Variants in KIF13B observed in about 807,000 individuals in gnomAD.
KIF13B encodes the protein kinesin family member 13B.
Under a neutral mutation model 222.0 loss-of-function variants are expected in KIF13B, and 127 were observed. The ratio of observed to expected loss-of-function variants is 0.57; its 90% CI spans 0.50 to 0.66. KIF13B has a LOEUF of 0.66. KIF13B is among the 30% of genes least tolerant of loss of function. The pLI, the probability that KIF13B is intolerant of heterozygous loss-of-function variation, is 0.00. For missense variants in KIF13B, 2,173 were observed against 2,379.0 expected, an observed-to-expected ratio of 0.91 and a Z score of 1.80; for synonymous variants, 976 against 919.0, an observed-to-expected ratio of 1.06 and a Z score of -1.12.
intron 15 of KIF13B, among the ~76,000 whole-genome samples, 188 bp downstream of exon 15, chr8:29,150,109 T>TCC (rs1416856052): frequency 6.6e-6 from 1 of 152,204 alleles, no homozygotes; most frequent in East Asian, 1.9e-4. Context: ...TGTTTATATG[T>TCC]CCCTAGGGTT....
At chr8:29,120,897 T>C (rs1586806136) in intron 29 of KIF13B, among the ~76,000 whole-genome samples, 1 of 42,754 alleles carries the variant, frequency 2.3e-5, no homozygotes, top group East Asian at 8.2e-4. Context: ...TGATATCTCA[T>C]AGTGGTTTTG....
rs770410591 is a variant in KIF13B at position 29,122,600 on chromosome 8, C to T, written c.3526G>A (p.Asp1176Asn). 1 of 1,609,728 alleles carries T rather than the reference C, an allele frequency of 6.2e-7. No homozygotes were observed. The highest frequency in any genetic ancestry group is 1.7e-5 in the Admixed American group (1 of 59,520). The change falls in exon 29 of 40, where the codon GAC becomes AAC. Residue 1176 changes from aspartate (D) to asparagine (N), a missense_variant. Asp to Asn is a conservative substitution (Grantham distance 23, BLOSUM62 1). Transcript: ENST00000524189. ...ACACCTCCTAACTTACCATTTAAGT[C>T]CAGGAATATAACAGGAATGTGTGTC... ...METHIPVIFLDLNADDFSSQD... is the reference protein window; with the variant it reads ...METHIPVIFLNLNADDFSSQD...
At chr8:29,216,705 A>G (rs1814496849) in intron 2 of KIF13B, among the ~76,000 whole-genome samples, 1 of 152,148 alleles carries the variant, frequency 6.6e-6, no homozygotes, top group Non-Finnish European at 1.5e-5. Context: ...ATTAAAGACA[A>G]CTTTGTAGCA....
chr8:29,175,574 C>G (rs1563761804), intron 10 of KIF13B, among the ~76,000 whole-genome samples: 1 of 152,230 alleles, frequency 6.6e-6, no homozygotes, highest in Non-Finnish European at 1.5e-5. Flanking sequence ...CAGCCTCTAA[C>G]AACATCTTTA....
chr8:29,202,613 A>G (rs1418600719), intron 2 of KIF13B, among the ~76,000 whole-genome samples: 1 of 152,112 alleles, frequency 6.6e-6, no homozygotes, highest in African/African-American at 2.4e-5. Context: ...TTATTTCTTT[A>G]GTATAAGAAT....
rs770077106 is a variant in KIF13B at position 29,130,550 on chromosome 8, T to C, written c.3058A>G (p.Ile1020Val). 2.5e-6 allele frequency: 4 copies of C among 1,613,850 alleles called. No individual in the cohort carries two copies. Among genetic ancestry groups the C allele is most frequent in the Non-Finnish European group, 3.4e-6 (4 of 1,179,772 alleles). ...ISAKDVPTGG[I>V]FQLRQGQSRR... ...CTTGTTACCTGCCGGAGCTGGAAGA[T>C]TCCTCCTGTTGGGACATCCTTTGCA... is the stretch of plus-strand genomic sequence containing the variant. The change falls in exon 24 of 40, where the codon ATC becomes GTC. Residue 1020 changes from isoleucine to valine, a missense_variant. Transcript: ENST00000524189.
intron 19 of KIF13B, among the ~76,000 whole-genome samples, chr8:29,141,766 A>C (rs1810827802): frequency 6.6e-6 from 1 of 152,242 alleles, no homozygotes; most frequent in Admixed American, 6.5e-5. Flanking sequence ...TCAACTTACA[A>C]AACATATATT....
chr8:29,080,742 C>T (rs1010934277), intron 37 of KIF13B, among the ~76,000 whole-genome samples: 7 of 152,142 alleles, frequency 4.6e-5, no homozygotes, highest in Admixed American at 2.6e-4. Context: ...GTTCTCTAAG[C>T]GGTGTCACCA....
chr8:29,083,224 G>T (rs1380485444), intron 37 of KIF13B, among the ~76,000 whole-genome samples: 2 of 152,030 alleles, frequency 1.3e-5, no homozygotes, highest in East Asian at 3.9e-4. Context: ...CAAATCAAAA[G>T]AATATTTCAT....
intron 14 of KIF13B, among the ~76,000 whole-genome samples, chr8:29,153,463 T>C (rs1458405501): frequency 1.3e-5 from 2 of 151,026 alleles, no homozygotes; most frequent in South Asian, 2.1e-4. Context: ...TCAACAGAAG[T>C]GGTGGGTAGA....
chr8:29,212,967 G>A (rs996093160), intron 2 of KIF13B, among the ~76,000 whole-genome samples: 3 of 151,854 alleles, frequency 2.0e-5, no homozygotes, highest in Non-Finnish European at 4.4e-5. Flanking sequence ...TAACAGTCTA[G>A]TTGATGAGAC....
intron 2 of KIF13B, among the ~76,000 whole-genome samples, chr8:29,225,898 A>C (rs1274529025): frequency 6.6e-6 from 1 of 152,240 alleles, no homozygotes; most frequent in Non-Finnish European, 1.5e-5. Flanking sequence ...AAACACTGAC[A>C]ATCTGGCCCA....
chr8:29,169,267 TG>T (rs1812136321), intron 10 of KIF13B, among the ~76,000 whole-genome samples: 1 of 152,232 alleles, frequency 6.6e-6, no homozygotes, highest in African/African-American at 2.4e-5. Flanking sequence ...AAAACAGGTT[TG>T]TTCGGACAAT....
rs1457019458 is a variant in KIF13B, at chr8:29,140,485, T to C, written c.2467A>G (p.Ile823Val). Residue 823 changes from isoleucine (I) to valine (V), a missense_variant, in exon 20 of 40, where the codon ATC becomes GTC. By Grantham distance (29) the Ile-to-Val change is conservative. Transcript: ENST00000524189. Reference protein sequence around the residue: ...DVKLQYAVPIINQKGEVAGRL... With the variant: ...DVKLQYAVPIVNQKGEVAGRL... ...AAACCAACCTCTCCTTTCTGGTTGA[T>C]GATGGGAACAGCGTATTGTAACTTC... 4 of 1,613,780 alleles carry C rather than the reference T, an allele frequency of 2.5e-6. No individual in the cohort carries two copies. Among genetic ancestry groups the C allele is most frequent in the South Asian group, 1.1e-5 (1 of 91,014 alleles).
At chr8:29,129,282 T>C (rs1173966882) in intron 24 of KIF13B, among the ~76,000 whole-genome samples, 1 of 152,250 alleles carries the variant, frequency 6.6e-6, no homozygotes, top group African/African-American at 2.4e-5. Flanking sequence ...TTCCAGTAGA[T>C]GAATTTCTAA....
intron 26 of KIF13B, 44 bp from the exon 27 acceptor site, chr8:29,124,167 T>A (rs1563721458): frequency 8.6e-7 from 1 of 1,161,070 alleles, no homozygotes; most frequent in Admixed American, 1.8e-5. Flanking sequence ...AATGTCAAGA[T>A]AATCTATCTG....
In KIF13B at chr8:29,132,453, T is replaced by C; in HGVS notation, c.2797A>G (p.Asn933Asp). 1 of 1,522,504 alleles carries C rather than the reference T, an allele frequency of 6.6e-7. No homozygotes were observed. Among genetic ancestry groups the C allele is most frequent in the Non-Finnish European group, 8.8e-7 (1 of 1,131,708 alleles). 94.3% of individuals were successfully genotyped at this position (1,522,504 alleles called of 1,614,324 possible). ...VFDHCNEFSV[N>D]ITEDFIEHLS... ...TGCTCGATAAAGTCTTCGGTGATGT[T>C]AACAGAAAACTCCTGAAACACAACA... The change falls in exon 23 of 40, where the codon AAC becomes GAC. Residue 933 changes from asparagine to aspartate, a missense_variant. Physicochemically the swap from Asn to Asp is conservative, Grantham distance 23 (BLOSUM62 1). Transcript: ENST00000524189.
chr8:29,099,221 C>T lies in KIF13B; in HGVS notation c.4236G>A (p.Gln1412=). 6.2e-7 allele frequency: 1 copy of T among 1,612,266 alleles called. No homozygotes were observed. The highest frequency in any genetic ancestry group is 1.3e-5 in the African/African-American group (1 of 74,936). Residue 1412 remains glutamine (Q), a synonymous_variant, in exon 36 of 40, where the codon CAG becomes CAA. Transcript: ENST00000524189. ...TGGAAACTGTGGTTTGGGATACATC[C>T]TGCTGACTTTCCCACCGGCCCTAGT... ...GSNKGRWESQ[Q]DVSQTTVSRG...
chr8:29,142,223 C>T lies in KIF13B; in HGVS notation c.2268G>A (p.Leu756=), dbSNP rs555144659. Reference sequence around the variant, plus strand: ...CTCTCATATCCAACAGCCTGTTGTCCAGTTTTTCCAAAGACCAAATCTGCT... The same window carrying T: ...CTCTCATATCCAACAGCCTGTTGTCTAGTTTTTCCAAAGACCAAATCTGCT... ...KGKQIWSLEK[L]DNRLLDMRDL... The change falls in exon 19 of 40, where the codon CTG becomes CTA. Residue 756 remains leucine (L), a synonymous_variant. Coordinates refer to ENST00000524189, the MANE Select transcript of KIF13B (RefSeq NM_015254.4). 6.2e-7 allele frequency: 1 copy of T among 1,613,606 alleles called. No individual in the cohort carries two copies. The highest frequency in any genetic ancestry group is 8.5e-7 in the Non-Finnish European group (1 of 1,179,604).
Sources: allele counts gnomAD v4.1 joint callset (sites outside exome capture counted in the v4.1 genomes callset), GRCh38; gene constraint gnomAD v4.1.1; transcripts MANE v1.5; gene names NCBI Gene and HGNC (gene_info 2026-07-23, HGNC 2026-07-21).